Variants in LIFR observed in about 807,000 individuals in gnomAD.
LIFR encodes LIF receptor subunit alpha, also known as leukemia inhibitory factor receptor.
Under a neutral mutation model 122.2 loss-of-function variants are expected in LIFR, and 84 were observed. The ratio of observed to expected loss-of-function variants is 0.69; its 90% CI spans 0.58 to 0.82. The LOEUF is 0.82. Among genes scored for constraint, LIFR ranks in the 40% least tolerant of loss-of-function variants. The pLI is 0.00. For missense variants in LIFR, 1,294 were observed against 1,311.6 expected, an observed-to-expected ratio of 0.99 and a Z score of 0.21; for synonymous variants, 422 against 434.7, an observed-to-expected ratio of 0.97 and a Z score of 0.36.
chr5:38,569,825 C>T lies in LIFR; in HGVS notation c.-20+25436G>A, dbSNP rs182891553. ...TATATCAAATTCTACCTCCTCTTTC[C>T]GAAGAATCTTTATTCTAATATTCAT... On this transcript the variant is annotated intron_variant, in intron 1 of 19. Transcript: ENST00000263409. Among the ~76,000 whole-genome samples, 32 of 152,256 alleles carry T rather than the reference C, an allele frequency of 2.1e-4. No homozygotes were observed. In the East Asian group the frequency reaches 4.4e-3, roughly 21 times the overall value.
intron 1 of LIFR, among the ~76,000 whole-genome samples, chr5:38,545,944 T>G (rs1747867854): frequency 6.7e-6 from 1 of 150,090 alleles, no homozygotes; most frequent in South Asian, 2.1e-4. Context: ...AACCAGCTAA[T>G]AAAATGAACA....
At chr5:38,576,386 G>C (rs1176865773) in intron 1 of LIFR, among the ~76,000 whole-genome samples, 1 of 152,126 alleles carries the variant, frequency 6.6e-6, no homozygotes, top group Non-Finnish European at 1.5e-5. Flanking sequence ...TTACAGGTAA[G>C]AGCCAGAGTT....
intron 1 of LIFR, among the ~76,000 whole-genome samples, chr5:38,551,402 C>T (rs1334394477): frequency 2.6e-5 from 4 of 152,246 alleles, no homozygotes; most frequent in African/African-American, 4.8e-5. Context: ...TACAACAATT[C>T]TGCCTGAAGT....
At position 38,482,108 on chromosome 5, in the gene LIFR, G is replaced by T. The variant is rs774961945; in HGVS notation, c.2781C>A (p.Ser927=). ...GATCTTCAGGACGCTCAGCTACTGG[G>T]GAAATTATTTCTGTATCTTCTATTT... ...FPKIEDTEII[S]PVAERPEDRS... is the part of the protein sequence containing the mutation. The change falls in exon 20 of 20, where the codon TCC becomes TCA. Residue 927 remains serine, a synonymous_variant. Coordinates refer to ENST00000453190, the MANE Select transcript of LIFR (RefSeq NM_001127671.2). 1.8e-5 allele frequency: 29 copies of T among 1,588,078 alleles called. No individual in the cohort carries two copies. The highest frequency in any genetic ancestry group is 2.0e-5 in the Non-Finnish European group (23 of 1,170,088).
In LIFR at chr5:38,523,294, C is replaced by T. The variant is rs919940768; in HGVS notation, c.561+125G>A. 5.5e-6 allele frequency: 4 copies of T among 725,576 alleles called. No homozygotes were observed. In the South Asian group the frequency reaches 5.8e-5, roughly 11 times the overall value. The allele number at this position is 725,576 out of a possible 1,614,324, so 44.9% of individuals were successfully genotyped here. A position where few individuals can be genotyped will look rare whatever the true frequency, so the allele number is the denominator to read the frequency against. On this transcript the variant is annotated intron_variant, in intron 5 of 19. Coordinates refer to ENST00000453190, the MANE Select transcript of LIFR (RefSeq NM_001127671.2). The stretch of plus-strand genomic sequence containing the variant: ...ATCATGCATGATGTTTTTAATGAAC[C>T]CTGAAAGGTATCTGATTTACTTCCT...
At chr5:38,580,376 C>T (rs893164964) in intron 1 of LIFR, among the ~76,000 whole-genome samples, 21 of 152,196 alleles carry the variant, frequency 1.4e-4, no homozygotes, top group Admixed American at 8.5e-4. Context: ...GAAAACCCAT[C>T]CTCTCTTCTC....
In LIFR at chr5:38,493,630, T is replaced by C. The variant is rs973820530; in HGVS notation, c.2041A>G (p.Ser681Gly). Residue 681 changes from serine (S) to glycine (G), a missense_variant, in exon 14 of 20, where the codon AGC (serine) becomes GGC (glycine). Ser to Gly is a moderately conservative substitution (Grantham distance 56). Transcript: ENST00000453190. Reference protein sequence around the residue: ...LMDWRKVPSNSTETVIESDEF... With the variant: ...LMDWRKVPSNGTETVIESDEF... ...CCAGATTCTATTACAGTTTCAGTGC[T>C]GTTTGAGGGAACTTTTCTCCAGTCC... 1.2e-6 allele frequency: 2 copies of C among 1,614,162 alleles called. No homozygotes were observed. The highest frequency in any genetic ancestry group is 1.7e-5 in the Admixed American group (1 of 60,030).
intron 7 of LIFR, 31 bp from the exon 8 acceptor site, chr5:38,506,663 T>C (rs774697522): frequency 1.3e-6 from 2 of 1,574,788 alleles, no homozygotes; most frequent in Non-Finnish European, 1.7e-6. Flanking sequence ...GTACTTATGA[T>C]TACATATATT....
chr5:38,603,765 T>C (rs1290990495), intron 2 of LIFR, among the ~76,000 whole-genome samples: 2 of 152,128 alleles, frequency 1.3e-5, no homozygotes, highest in African/African-American at 2.4e-5. Flanking sequence ...AACTTCAGGA[T>C]TGAATGTAAC....
At chr5:38,548,502 T>C (rs1461181626) in intron 1 of LIFR, among the ~76,000 whole-genome samples, 1 of 152,194 alleles carries the variant, frequency 6.6e-6, no homozygotes, top group Non-Finnish European at 1.5e-5. Flanking sequence ...TGAACCACAT[T>C]GGTCACTTCC....
intron 1 of LIFR, among the ~76,000 whole-genome samples, chr5:38,583,336 A>G (rs900467307): frequency 5.3e-5 from 8 of 152,232 alleles, no homozygotes; most frequent in Non-Finnish European, 1.2e-4. Flanking sequence ...TCACTTTCAT[A>G]TATAAGCACC....
At chr5:38,497,923 G>A (rs764474234) in intron 12 of LIFR, among the ~76,000 whole-genome samples, 4 of 151,900 alleles carry the variant, frequency 2.6e-5, no homozygotes, top group Non-Finnish European at 5.9e-5. Flanking sequence ...AAATATTTTG[G>A]TGAACTTTTT....
In LIFR at chr5:38,474,929, G is replaced by C. The variant is rs138828902; in HGVS notation, c.*6666C>G. The C allele has an allele frequency of 6.3e-6, 1 of 158,388 alleles. No individual in the cohort carries two copies. The highest frequency in any genetic ancestry group is 1.6e-4 in the East Asian group (1 of 6,230). 9.8% of individuals were successfully genotyped at this position (158,388 alleles called of 1,614,324 possible). Reference sequence around the variant, plus strand: ...CCACTTCTCCTAAGTGTGTAACATGGGGAAAAACCCAATAATGCCCAAGTC... The same window carrying C: ...CCACTTCTCCTAAGTGTGTAACATGCGGAAAAACCCAATAATGCCCAAGTC... On this transcript the variant is annotated 3_prime_UTR_variant, in exon 20 of 20. Coordinates refer to ENST00000453190, the MANE Select transcript of LIFR (RefSeq NM_001127671.2).
intron 2 of LIFR, 145 bp downstream of exon 2, chr5:38,530,361 A>G (rs2112570174): frequency 2.9e-6 from 2 of 680,596 alleles, no homozygotes; most frequent in East Asian, 2.7e-5. Flanking sequence ...AAAGAAACTA[A>G]AAGTACATAG....
At chr5:38,513,068 T>C (rs552167099) in intron 5 of LIFR, among the ~76,000 whole-genome samples, 1 of 152,336 alleles carries the variant, frequency 6.6e-6, no homozygotes, top group East Asian at 1.9e-4. Context: ...TTGGGACTTC[T>C]AGGCAAACAC....
At chr5:38,572,525 A>G (rs1749246891) in intron 1 of LIFR, among the ~76,000 whole-genome samples, 1 of 152,164 alleles carries the variant, frequency 6.6e-6, no homozygotes, top group South Asian at 2.1e-4. Flanking sequence ...TTGATTTGAA[A>G]ATCCTTATAA....
chr5:38,493,586 G>A lies in LIFR; in HGVS notation c.2065+20C>T. The A allele has an allele frequency of 6.2e-7, 1 of 1,607,708 alleles. No homozygotes were observed. The highest frequency in any genetic ancestry group is 8.5e-7 in the Non-Finnish European group (1 of 1,174,176). ...AAAATATTTTGTAGAACTTAATTGA[G>A]AGACACTAATTCATCTTACCAGATT... On this transcript the variant is annotated intron_variant, in intron 14 of 19. Transcript: ENST00000453190.
intron 5 of LIFR, among the ~76,000 whole-genome samples, chr5:38,512,998 TATTA>T (rs1314960123): frequency 5.3e-5 from 8 of 152,158 alleles, no homozygotes; most frequent in South Asian, 4.1e-4. Flanking sequence ...TACAAATTAT[TATTA>T]ATTGTGAGAA....
At chr5:38,524,420 A>G (rs1165444408) in intron 4 of LIFR, among the ~76,000 whole-genome samples, 2 of 152,220 alleles carry the variant, frequency 1.3e-5, no homozygotes, top group African/African-American at 4.8e-5. Flanking sequence ...AAGGTGACCA[A>G]TTAGGAGACC....
Sources: gnomAD v4.1 joint callset for allele counts (sites outside exome capture counted in the v4.1 genomes callset) on GRCh38, gnomAD v4.1.1 for gene constraint, MANE v1.5 for transcripts, NCBI Gene and HGNC (gene_info 2026-07-23, HGNC 2026-07-21) for gene names.